The following LRFN2 variants were observed in gnomAD, a reference collection of about 807,000 sequenced individuals.
LRFN2 encodes the protein leucine-rich repeat and fibronectin type-III domain-containing protein 2.
Under a neutral mutation model 37.3 loss-of-function variants are expected in LRFN2, and 18 were observed. That is an observed-to-expected ratio of 0.48 (90% CI 0.33 to 0.72). The LOEUF (loss-of-function observed/expected upper bound fraction) is 0.72. LRFN2 is among the 30% of genes least tolerant of loss of function. LRFN2 has a pLI of 0.02. For synonymous variants in LRFN2, 556 were observed against 466.6 expected (o/e 1.19, Z -2.47); for missense variants, 1,006 against 1,060.7 (o/e 0.95, Z 0.72).
At chr6:40,581,734 G>T (rs1157635623) in intron 1 of LRFN2, among the ~76,000 whole-genome samples, 1 of 152,170 alleles carries the variant, frequency 6.6e-6, no homozygotes, top group African/African-American at 2.4e-5. Context: ...AAATGCCTTT[G>T]CCTTCACTGC....
At chr6:40,517,432 A>C (rs1765914149) in intron 1 of LRFN2, 1 of 152,204 alleles carries the variant, frequency 6.6e-6, no homozygotes, top group Admixed American at 6.5e-5. Context: ...GTCCCATCTC[A>C]GACTTTTCAG....
At chr6:40,395,381 G>A (rs887062062) in intron 2 of LRFN2, among the ~76,000 whole-genome samples, 17 of 152,250 alleles carry the variant, frequency 1.1e-4, no homozygotes, top group African/African-American at 2.4e-4. Context: ...TGAAAAGTTC[G>A]CCCTGGCCTG....
At chr6:40,523,134 A>G (rs1238345818) in intron 1 of LRFN2, among the ~76,000 whole-genome samples, 3 of 152,176 alleles carry the variant, frequency 2.0e-5, no homozygotes, top group Non-Finnish European at 4.4e-5. Context: ...GGCCATTTGA[A>G]GCCCAGAGGA....
At chr6:40,445,011 C>A (rs1296128818) in intron 1 of LRFN2, among the ~76,000 whole-genome samples, 3 of 151,990 alleles carry the variant, frequency 2.0e-5, no homozygotes, top group Non-Finnish European at 4.4e-5. Context: ...TCCACCTCAC[C>A]CCCCCAGGGA....
chr6:40,395,615 C>G (rs1762599730), intron 2 of LRFN2, among the ~76,000 whole-genome samples: 1 of 152,176 alleles, frequency 6.6e-6, no homozygotes, highest in Admixed American at 6.5e-5. Flanking sequence ...ACACCCAGAA[C>G]AGTGACAACA....
intron 1 of LRFN2, among the ~76,000 whole-genome samples, chr6:40,486,235 T>C (rs1764955496): frequency 6.6e-6 from 1 of 151,886 alleles, no homozygotes; most frequent in Non-Finnish European, 1.5e-5. Flanking sequence ...TGAACTGAAA[T>C]TGTGAGGTCT....
At chr6:40,576,591 T>C (rs1226040675) in intron 1 of LRFN2, among the ~76,000 whole-genome samples, 1 of 152,220 alleles carries the variant, frequency 6.6e-6, no homozygotes, top group Non-Finnish European at 1.5e-5. Context: ...CGGAGCTGCC[T>C]GGATTTTATC....
intron 2 of LRFN2, among the ~76,000 whole-genome samples, chr6:40,418,110 C>G (rs566414157): frequency 6.6e-6 from 1 of 152,180 alleles, no homozygotes; most frequent in South Asian, 2.1e-4. Context: ...TAATCTAGCC[C>G]TGTCCAGTCT....
chr6:40,406,801 G>T (rs893246298), intron 2 of LRFN2, among the ~76,000 whole-genome samples: 1 of 152,208 alleles, frequency 6.6e-6, no homozygotes, highest in Non-Finnish European at 1.5e-5. Context: ...ATCCCACCTT[G>T]AAGAATTCAC....
intron 1 of LRFN2, among the ~76,000 whole-genome samples, 156 bp from the exon 2 acceptor site, chr6:40,433,287 T>C (rs142108135): frequency 8.5e-5 from 13 of 152,402 alleles, no homozygotes; most frequent in African/African-American, 2.9e-4. Context: ...ATCCCTCTAA[T>C]GCAGTTTTAC....
chr6:40,492,577 G>T (rs1438215918), intron 1 of LRFN2, among the ~76,000 whole-genome samples: 1 of 152,204 alleles, frequency 6.6e-6, no homozygotes, highest in Non-Finnish European at 1.5e-5. Flanking sequence ...ACTTACTGAG[G>T]CTTCTCAGCC....
At chr6:40,530,071 C>T (rs868033042) in intron 1 of LRFN2, among the ~76,000 whole-genome samples, 11 of 152,204 alleles carry the variant, frequency 7.2e-5, no homozygotes, top group African/African-American at 2.4e-4. Flanking sequence ...AGGGGAAATG[C>T]AGGCCCAGAG....
At chr6:40,441,413 A>G (rs1033479952) in intron 1 of LRFN2, among the ~76,000 whole-genome samples, 8 of 151,940 alleles carry the variant, frequency 5.3e-5, no homozygotes, top group Non-Finnish European at 1.0e-4. Flanking sequence ...ACATGAATGG[A>G]GGTGAGTGAA....
intron 1 of LRFN2, among the ~76,000 whole-genome samples, chr6:40,515,638 C>T (rs1263627510): frequency 6.6e-6 from 1 of 152,168 alleles, no homozygotes; most frequent in Non-Finnish European, 1.5e-5. Context: ...CCTGTAATCC[C>T]AGCACTTTGG....
intron 1 of LRFN2, among the ~76,000 whole-genome samples, chr6:40,586,456 G>T (rs974906661): frequency 5.3e-5 from 8 of 151,920 alleles, no homozygotes; most frequent in African/African-American, 1.7e-4. Flanking sequence ...CCTCCCATCC[G>T]CTCTGCATCA....
chr6:40,489,796 A>G (rs879480156), intron 1 of LRFN2, among the ~76,000 whole-genome samples: 3 of 152,062 alleles, frequency 2.0e-5, no homozygotes, highest in Non-Finnish European at 2.9e-5. Context: ...GGGCTGACCC[A>G]CCTGTCCTCC....
intron 1 of LRFN2, among the ~76,000 whole-genome samples, chr6:40,564,007 T>G (rs1307529821): frequency 6.6e-6 from 1 of 152,214 alleles, no homozygotes; most frequent in Admixed American, 6.5e-5. Context: ...TCTAACATTA[T>G]CTCATTTAAT....
chr6:40,396,510 G>A lies in LRFN2; in HGVS notation c.1401-3598C>T, dbSNP rs113152543. ...GATGAAGCTGCGGTTGGGCTGTGCT[G>A]CTGATGGAGGTGTAACAAGGCAAGG... On this transcript the variant is annotated intron_variant, in intron 2 of 2. Transcript: ENST00000338305. Among the ~76,000 whole-genome samples, 1,212 of 152,314 alleles carry A rather than the reference G, an allele frequency of 8.0e-3. 17 individuals are homozygous for A. Among genetic ancestry groups the A allele is most frequent in the African/African-American group, 0.027 (1,125 of 41,554 alleles).
chr6:40,433,935 C>G (rs574642089), intron 1 of LRFN2, among the ~76,000 whole-genome samples: 34 of 152,298 alleles, frequency 2.2e-4, no homozygotes, highest in African/African-American at 7.9e-4. Flanking sequence ...TATCTATACA[C>G]AGACGAGGAT....
Sources: gnomAD v4.1 joint callset for allele counts (sites outside exome capture counted in the v4.1 genomes callset) on GRCh38, gnomAD v4.1.1 for gene constraint, MANE v1.5 for transcripts, NCBI Gene and HGNC (gene_info 2026-07-23, HGNC 2026-07-21) for gene names.